SNAPC3: variants seen among roughly 807,000 people sequenced by gnomAD.
SNAPC3 encodes the protein small nuclear RNA activating complex polypeptide 3.
SNAPC3 carries 56 observed loss-of-function variants against 47.7 expected under a neutral mutation model. That is an observed-to-expected ratio of 1.18 (90% CI 0.95 to 1.47). The LOEUF is 1.47. Among genes scored for constraint, SNAPC3 ranks in the 40% most tolerant of loss-of-function variants. The probability of loss-of-function intolerance (pLI) is 0.00; values close to 1 mark genes in which losing one functional copy is unlikely to be tolerated. For synonymous variants in SNAPC3, 235 were observed against 189.9 expected (o/e 1.24, Z -1.95); for missense variants, 665 against 511.3 (o/e 1.30, Z -2.90).
At position 15,447,122 on chromosome 9, in the gene SNAPC3, A is replaced by T. The variant is rs374540261; in HGVS notation, c.610A>T (p.Met204Leu). 51 of 1,614,034 alleles carry T rather than the reference A, an allele frequency of 3.2e-5. No individual in the cohort carries two copies. Among genetic ancestry groups the T allele is most frequent in the Non-Finnish European group, 3.9e-5 (46 of 1,179,982 alleles). Residue 204 changes from methionine to leucine, a missense_variant, in exon 5 of 9, where the codon ATG becomes TTG. By Grantham distance (15) the Met-to-Leu change is conservative. Transcript: ENST00000380821. ...KHKEHKPYQT[M>L]LVLGSQKLTQ... ...CAAAGAACACAAACCATACCAAACA[A>T]TGCTGGTGTTGGGCAGTCAAAAACT...
At chr9:15,454,320 T>C (rs1459768942) in intron 7 of SNAPC3, among the ~76,000 whole-genome samples, 2 of 152,162 alleles carry the variant, frequency 1.3e-5, no homozygotes, top group South Asian at 4.1e-4. Context: ...CTCCAAAATT[T>C]TGTATCCCAT....
intron 3 of SNAPC3, among the ~76,000 whole-genome samples, chr9:15,434,354 G>C (rs1230834248): frequency 6.7e-6 from 1 of 149,600 alleles, no homozygotes; most frequent in East Asian, 2.0e-4. Context: ...CTATGAATTT[G>C]TCTATTCTAG....
intron 5 of SNAPC3, among the ~76,000 whole-genome samples, chr9:15,447,652 C>G (rs887510152): frequency 2.6e-5 from 4 of 152,096 alleles, no homozygotes; most frequent in Non-Finnish European, 5.9e-5. Flanking sequence ...TTTTATGTAA[C>G]TTGACCTCAC....
chr9:15,447,191 A>G lies in SNAPC3; in HGVS notation c.679A>G (p.Ile227Val). The change falls in exon 5 of 9, where the codon ATT (isoleucine) becomes GTT (valine). Residue 227 changes from isoleucine (I) to valine (V), a missense_variant. Coordinates refer to ENST00000380821, the MANE Select transcript of SNAPC3 (RefSeq NM_001039697.2). The part of the protein sequence containing the change: ...DSIRCVSDLQ[I>V]GGEFSNTPDQ... ...AATTCGATGTGTCAGTGACCTCCAGATTGGTGGTGAATTCAGCAACACTCC... is the reference window on the plus strand; with the variant it reads ...AATTCGATGTGTCAGTGACCTCCAGGTTGGTGGTGAATTCAGCAACACTCC... 1.2e-6 allele frequency: 2 copies of G among 1,613,308 alleles called. No homozygotes were observed. Among genetic ancestry groups the G allele is most frequent in the Non-Finnish European group, 1.7e-6 (2 of 1,179,220 alleles).
At chr9:15,445,940 C>A (rs2033895540) in intron 4 of SNAPC3, among the ~76,000 whole-genome samples, 1 of 152,038 alleles carries the variant, frequency 6.6e-6, no homozygotes, top group African/African-American at 2.4e-5. Context: ...TCCCTCACCG[C>A]CACCCCCTTC....
chr9:15,436,345 G>C (rs1587238027), intron 3 of SNAPC3, among the ~76,000 whole-genome samples: 1 of 152,142 alleles, frequency 6.6e-6, no homozygotes. Context: ...GATCCACTTT[G>C]AGTTGATTTT....
chr9:15,451,241 CTA>C, intron 5 of SNAPC3, 77 bp from the exon 6 acceptor site: 1 of 526,832 alleles, frequency 1.9e-6, no homozygotes, highest in East Asian at 3.0e-5. Context: ...TATGATATAT[CTA>C]TTTTGAATTA....
In SNAPC3 at chr9:15,423,992, G is replaced by A; in HGVS notation, c.392+6G>A. ...ACTGACCTGGTGACTTTGGGGTATG[G>A]AGGACTTGGTTTTTATGACCTATTT... is the stretch of plus-strand genomic sequence containing the variant. On this transcript the variant is annotated splice_donor_region_variant and intron_variant, in intron 2 of 8. Coordinates refer to ENST00000380821, the MANE Select transcript of SNAPC3 (RefSeq NM_001039697.2). The A allele has an allele frequency of 6.5e-7, 1 of 1,532,832 alleles. No individual in the cohort carries two copies. Among genetic ancestry groups the A allele is most frequent in the African/African-American group, 1.4e-5 (1 of 71,456 alleles). 95.0% of individuals were successfully genotyped at this position (1,532,832 alleles called of 1,614,324 possible).
At chr9:15,463,983 C>T (rs1456209403), downstream of SNAPC3, 2 of 167,586 alleles carry the variant, frequency 1.2e-5, no homozygotes, top group Admixed American at 6.4e-5. Context: ...GACCAGTTAA[C>T]TAAGAAATTA....
downstream of SNAPC3, among the ~76,000 whole-genome samples, chr9:15,466,134 C>CTT (rs200674143): frequency 0.04 from 6,124 of 152,232 alleles, 407 homozygotes; most frequent in African/African-American, 0.14. Context: ...AATCCCAACA[C>CTT]TGGGAAGCCA....
chr9:15,423,496 C>T (rs1259172798), intron 1 of SNAPC3, among the ~76,000 whole-genome samples: 2 of 152,120 alleles, frequency 1.3e-5, no homozygotes, highest in African/African-American at 2.4e-5. Flanking sequence ...AGGGCAACAG[C>T]GACGTGTACC....
rs559028841 is a variant in SNAPC3, at chr9:15,461,084, C to A, written c.*1218C>A. 6.6e-6 allele frequency: 1 copy of A among 151,590 alleles called. No homozygotes were observed. Among genetic ancestry groups the A allele is most frequent in the Non-Finnish European group, 1.5e-5 (1 of 67,940 alleles). The allele number at this position is 151,590 out of a possible 1,614,324, so 9.4% of individuals were successfully genotyped here. A position where few individuals can be genotyped will look rare whatever the true frequency, so the allele number is the denominator to read the frequency against. On this transcript the variant is annotated 3_prime_UTR_variant, in exon 9 of 9. Transcript: ENST00000380821. ...ATAAGTTTTCCTGGCCCAGGTCTTC[C>A]ATTCTTCTGGTCCCCTTACTATAGT... is the stretch of plus-strand genomic sequence containing the variant.
chr9:15,453,064 C>G lies in SNAPC3; in HGVS notation c.839C>G (p.Ser280Cys), dbSNP rs140869103. 17 of 1,613,192 alleles carry G rather than the reference C, an allele frequency of 1.1e-5. No homozygotes were observed. In the African/African-American group the frequency reaches 1.9e-4, roughly 18 times the overall value. The change falls in exon 7 of 9, where the codon TCC becomes TGC. Residue 280 changes from serine to cysteine, a missense_variant. Coordinates refer to ENST00000380821, the MANE Select transcript of SNAPC3 (RefSeq NM_001039697.2). ...LSRTIIEWSE[S>C]HDRGYGKFQT... ...AGAACTATCATTGAGTGGTCAGAGT[C>G]CCATGATAGAGGCTATGGAAAGTTT...
chr9:15,455,079 G>A (rs775312446), intron 7 of SNAPC3, among the ~76,000 whole-genome samples: 1 of 152,312 alleles, frequency 6.6e-6, no homozygotes, highest in East Asian at 1.9e-4. Flanking sequence ...TTAAATATCT[G>A]TTTAACCAAA....
At chr9:15,464,317 AGCC>A (rs1321304278), downstream of SNAPC3, 1 of 194,090 alleles carries the variant, frequency 5.2e-6, no homozygotes, top group African/African-American at 2.3e-5. Flanking sequence ...GCTGGTCTTA[AGCC>A]ATTTTTTTCC....
At chr9:15,436,629 C>T (rs575853317) in intron 3 of SNAPC3, among the ~76,000 whole-genome samples, 12 of 151,936 alleles carry the variant, frequency 7.9e-5, no homozygotes, top group Non-Finnish European at 1.5e-4. Flanking sequence ...ATTCAGAGTC[C>T]CTTGAAATTC....
intron 3 of SNAPC3, among the ~76,000 whole-genome samples, chr9:15,437,808 A>G (rs1410314059): frequency 6.6e-6 from 1 of 152,230 alleles, no homozygotes; most frequent in African/African-American, 2.4e-5. Context: ...GAAATCAATA[A>G]CAGAAGAAAA....
At chr9:15,452,708 T>C (rs1035392802) in intron 6 of SNAPC3, among the ~76,000 whole-genome samples, 1 of 152,246 alleles carries the variant, frequency 6.6e-6, no homozygotes, top group African/African-American at 2.4e-5. Flanking sequence ...TATTAAACAT[T>C]GAAACTAAGA....
At chr9:15,441,997 G>A (rs1202358941) in intron 3 of SNAPC3, among the ~76,000 whole-genome samples, 3 of 151,002 alleles carry the variant, frequency 2.0e-5, no homozygotes, top group Admixed American at 6.6e-5. Flanking sequence ...CCCACCTCCC[G>A]GACAGGGCGG....
Sources: gnomAD v4.1 joint callset for allele counts (sites outside exome capture counted in the v4.1 genomes callset) on GRCh38, gnomAD v4.1.1 for gene constraint, MANE v1.5 for transcripts, NCBI Gene and HGNC (gene_info 2026-07-23, HGNC 2026-07-21) for gene names.